The following DPP8 variants were observed in gnomAD, a reference collection of about 807,000 sequenced individuals.
The protein encoded by DPP8 is DPP VIII.
Under a neutral mutation model 107.5 loss-of-function variants are expected in DPP8, and 31 were observed. The ratio of observed to expected loss-of-function variants is 0.29; its 90% CI spans 0.22 to 0.39. DPP8 has a LOEUF of 0.39. Ranked by LOEUF, DPP8 falls within the 10% of genes least tolerant of loss-of-function variation. DPP8 has a pLI of 1.00. For synonymous variants in DPP8, 381 were observed against 356.6 expected (o/e 1.07, Z -0.77); for missense variants, 842 against 1,076.1 (o/e 0.78, Z 3.04).
At chr15:65,480,199 C>A in intron 10 of DPP8, 23 bp downstream of exon 10, 1 of 1,585,218 alleles carries the variant, frequency 6.3e-7, no homozygotes, top group Admixed American at 1.8e-5. Context: ...AATATTTAAA[C>A]AAATACAGGA....
chr15:65,499,358 G>A (rs969012133), intron 4 of DPP8, among the ~76,000 whole-genome samples: 2 of 151,540 alleles, frequency 1.3e-5, no homozygotes, highest in Admixed American at 6.6e-5. Context: ...TCAGCCTCCC[G>A]AGTAGCTAGG....
chr15:65,470,791 T>C (rs997400126), intron 12 of DPP8, among the ~76,000 whole-genome samples: 1 of 151,772 alleles, frequency 6.6e-6, no homozygotes, highest in Non-Finnish European at 1.5e-5. Context: ...TGGTGGTGTA[T>C]GCCTGTAATC....
chr15:65,467,107 A>T lies in DPP8; in HGVS notation c.1653T>A (p.Thr551=), dbSNP rs1019970313. 3 of 1,614,102 alleles carry T rather than the reference A, an allele frequency of 1.9e-6. No homozygotes were observed. Among genetic ancestry groups the T allele is most frequent in the African/African-American group, 2.7e-5 (2 of 74,948 alleles). Residue 551 remains threonine (T), a synonymous_variant, in exon 13 of 20, where the codon ACT becomes ACA. Coordinates refer to ENST00000300141, the MANE Select transcript of DPP8 (RefSeq NM_130434.5). The part of the protein sequence containing the change: ...YVNPGEVTRL[T]DRGYSHSCCI... ...AGCAAGAATGTGAGTAGCCACGGTC[A>T]GTCAGCCTTGTCACCTCTCCAGGAT...
intron 5 of DPP8, among the ~76,000 whole-genome samples, chr15:65,496,022 C>T (rs919688369): frequency 7.9e-5 from 12 of 151,236 alleles, no homozygotes; most frequent in African/African-American, 2.2e-4. Flanking sequence ...GTCCCTCTGT[C>T]GCCCAGGCTG....
chr15:65,484,645 G>T (rs2067233582), intron 8 of DPP8, among the ~76,000 whole-genome samples: 2 of 140,860 alleles, frequency 1.4e-5, no homozygotes, highest in African/African-American at 5.3e-5. Flanking sequence ...TTAAACCTTG[G>T]CTCTTAACTC....
intron 19 of DPP8, among the ~76,000 whole-genome samples, chr15:65,447,622 G>A (rs376237010): frequency 6.6e-6 from 1 of 152,206 alleles, no homozygotes; most frequent in East Asian, 1.9e-4. Flanking sequence ...AAAAGTACTA[G>A]TGTGAATGAG....
chr15:65,490,501 T>C (rs1199075422), intron 5 of DPP8, among the ~76,000 whole-genome samples: 1 of 152,152 alleles, frequency 6.6e-6, no homozygotes, highest in Non-Finnish European at 1.5e-5. Context: ...ATCCCATTTG[T>C]AAATGAGAAA....
intron 5 of DPP8, among the ~76,000 whole-genome samples, chr15:65,495,998 T>C (rs973556288): frequency 1.3e-5 from 2 of 152,070 alleles, no homozygotes; most frequent in Non-Finnish European, 2.9e-5. Context: ...TTTCTTTTTT[T>C]TTTTAGACGG....
intron 19 of DPP8, among the ~76,000 whole-genome samples, chr15:65,448,861 C>A (rs866506274): frequency 9.9e-4 from 54 of 54,304 alleles, no homozygotes; most frequent in Non-Finnish European, 1.3e-3. Flanking sequence ...ACATATATAT[C>A]TAAAATATAT....
intron 15 of DPP8, among the ~76,000 whole-genome samples, chr15:65,458,136 A>G (rs2064594419): frequency 6.6e-6 from 1 of 152,240 alleles, no homozygotes; most frequent in South Asian, 2.1e-4. Flanking sequence ...CTGGGAATCC[A>G]AAAGTCTCCT....
intron 12 of DPP8, among the ~76,000 whole-genome samples, 173 bp downstream of exon 12, chr15:65,474,036 G>A (rs557512723): frequency 8.7e-4 from 132 of 152,166 alleles, no homozygotes; most frequent in African/African-American, 3.0e-3. Context: ...CCCGGGAGGT[G>A]GAAGTTGTAG....
chr15:65,515,479 C>T (rs2071338250), intron 1 of DPP8, among the ~76,000 whole-genome samples: 1 of 152,114 alleles, frequency 6.6e-6, no homozygotes, highest in Non-Finnish European at 1.5e-5. Context: ...GTAATCTGTG[C>T]AGATGTTTGG....
At chr15:65,479,132 T>C (rs1226658019) in intron 10 of DPP8, 93 bp from the exon 11 acceptor site, 13 of 847,034 alleles carry the variant, frequency 1.5e-5, no homozygotes, top group Middle Eastern at 3.7e-4. Context: ...TAAATATACT[T>C]TGAAATATAA....
intron 11 of DPP8, chr15:65,475,301 G>T: frequency 1.3e-6 from 1 of 753,138 alleles, no homozygotes; most frequent in South Asian, 1.5e-5. Context: ...CCACCCCAGT[G>T]GTAGGTGGAA....
chr15:65,486,300 G>A (rs555952640), intron 7 of DPP8, among the ~76,000 whole-genome samples: 2 of 152,034 alleles, frequency 1.3e-5, no homozygotes, highest in South Asian at 4.2e-4. Flanking sequence ...TACTCGGGAG[G>A]CTGAGGCAGG....
intron 7 of DPP8, among the ~76,000 whole-genome samples, chr15:65,485,974 A>AT (rs2067378822): frequency 6.6e-6 from 1 of 151,720 alleles, no homozygotes; most frequent in Admixed American, 6.6e-5. Context: ...CACGCCTGTA[A>AT]TCCCAGCTAC....
intron 15 of DPP8, among the ~76,000 whole-genome samples, chr15:65,463,201 C>T (rs1297146235): frequency 6.6e-6 from 1 of 152,170 alleles, no homozygotes; most frequent in African/African-American, 2.4e-5. Context: ...CTGACATGAA[C>T]ACCGCACTCC....
rs929226509 is a variant in DPP8 at position 65,510,936 on chromosome 15, G to A, written c.259+1359C>T. Among the ~76,000 whole-genome samples, 7 of 152,186 alleles carry A rather than the reference G, an allele frequency of 4.6e-5. No individual in the cohort carries two copies. The East Asian group carries it at 1.2e-3, about 25-fold the overall frequency. On this transcript the variant is annotated intron_variant, in intron 2 of 19. Transcript: ENST00000300141. Reference sequence around the variant, plus strand: ...AAACTGCTGTTCGCTAATCTGACTGGGAAAGATCAAAAAGTTTAATTACTC... The same window carrying A: ...AAACTGCTGTTCGCTAATCTGACTGAGAAAGATCAAAAAGTTTAATTACTC...
intron 2 of DPP8, 34 bp downstream of exon 2, chr15:65,512,261 C>G (rs758002098): frequency 6.4e-7 from 1 of 1,569,694 alleles, no homozygotes; most frequent in Non-Finnish European, 8.6e-7. Context: ...CTTAAGAGAT[C>G]ATTTTCTCTC....
Sources: gnomAD v4.1 joint callset for allele counts (sites outside exome capture counted in the v4.1 genomes callset) on GRCh38, gnomAD v4.1.1 for gene constraint, MANE v1.5 for transcripts, NCBI Gene and HGNC (gene_info 2026-07-23, HGNC 2026-07-21) for gene names.